GABRG3: variants seen among roughly 807,000 people sequenced by gnomAD.
The protein encoded by GABRG3 is gamma-aminobutyric acid type A receptor subunit gamma3.
In GABRG3, 25 loss-of-function variants were observed where a neutral mutation model predicts 48.8. That is an observed-to-expected ratio of 0.51 (90% CI 0.37 to 0.72). The LOEUF (loss-of-function observed/expected upper bound fraction) is 0.72. Among genes scored for constraint, GABRG3 ranks in the 30% least tolerant of loss-of-function variants. GABRG3 has a pLI of 0.00. For missense variants in GABRG3, 394 were observed against 577.9 expected (o/e 0.68, Z 3.26); for synonymous variants, 227 against 217.6 (o/e 1.04, Z -0.38).
intron 6 of GABRG3, among the ~76,000 whole-genome samples, chr15:27,507,535 TAAAC>T (rs1423911291): frequency 1.3e-5 from 2 of 152,008 alleles, no homozygotes; most frequent in Admixed American, 1.3e-4. Context: ...AATAAATAAA[TAAAC>T]AAATAAATAT....
intron 3 of GABRG3, among the ~76,000 whole-genome samples, chr15:27,099,074 G>A (rs761199900): frequency 3.3e-5 from 5 of 152,268 alleles, no homozygotes; most frequent in Middle Eastern, 3.4e-3. Context: ...ATAAGAGAAC[G>A]AAATGAGTTT....
At chr15:27,271,110 A>G (rs1042464208) in intron 3 of GABRG3, among the ~76,000 whole-genome samples, 4 of 152,308 alleles carry the variant, frequency 2.6e-5, no homozygotes, top group African/African-American at 9.6e-5. Flanking sequence ...TGAAGCGCTA[A>G]CCCTACAGGA....
intron 2 of GABRG3, among the ~76,000 whole-genome samples, chr15:26,990,252 G>C (rs142793062): frequency 1.3e-5 from 2 of 152,202 alleles, no homozygotes; most frequent in Non-Finnish European, 2.9e-5. Flanking sequence ...CAGTGTACAA[G>C]GGTTCCCTTT....
intron 3 of GABRG3, among the ~76,000 whole-genome samples, chr15:27,139,681 T>C (rs530421395): frequency 1.5e-4 from 23 of 152,306 alleles, no homozygotes; most frequent in African/African-American, 5.5e-4. Flanking sequence ...ATATATTTGG[T>C]CTGTGACCCT....
intron 6 of GABRG3, among the ~76,000 whole-genome samples, chr15:27,494,534 A>C (rs533556275): frequency 6.6e-6 from 1 of 152,306 alleles, no homozygotes; most frequent in African/African-American, 2.4e-5. Context: ...TTATAAGACT[A>C]TCCAAATGCC....
intron 3 of GABRG3, among the ~76,000 whole-genome samples, chr15:27,213,560 G>T (rs367977445): frequency 7.2e-5 from 11 of 152,154 alleles, no homozygotes; most frequent in Non-Finnish European, 1.6e-4. Context: ...TTGAAAACTG[G>T]CCTGTTTCAA....
At chr15:27,308,537 CAT>C (rs199695873) in intron 3 of GABRG3, among the ~76,000 whole-genome samples, 3,797 of 145,122 alleles carry the variant, frequency 0.026, 201 homozygotes, top group African/African-American at 0.088. Flanking sequence ...TTTATATAAA[CAT>C]ATATAATGTA....
intron 3 of GABRG3, among the ~76,000 whole-genome samples, chr15:27,127,497 G>T (rs1897841800): frequency 6.6e-6 from 1 of 152,016 alleles, no homozygotes; most frequent in Non-Finnish European, 1.5e-5. Flanking sequence ...GGGGAAAGTG[G>T]AAAATCTCTG....
At chr15:27,346,539 T>G (rs2140532360) in intron 5 of GABRG3, among the ~76,000 whole-genome samples, 1 of 152,342 alleles carries the variant, frequency 6.6e-6, no homozygotes, top group East Asian at 1.9e-4. Flanking sequence ...ATATTTCTTC[T>G]GCTTTTTTCT....
At chr15:27,105,705 A>G (rs538304812) in intron 3 of GABRG3, among the ~76,000 whole-genome samples, 6 of 152,268 alleles carry the variant, frequency 3.9e-5, no homozygotes, top group Admixed American at 3.3e-4. Flanking sequence ...TGAAGTGTAG[A>G]TTGGTGCAGT....
chr15:27,490,863 C>G (rs1318329883), intron 6 of GABRG3, among the ~76,000 whole-genome samples: 1 of 152,200 alleles, frequency 6.6e-6, no homozygotes, highest in Non-Finnish European at 1.5e-5. Context: ...TGTGTGGCCC[C>G]ACGTGTGGCC....
intron 7 of GABRG3, among the ~76,000 whole-genome samples, chr15:27,523,857 G>A (rs1357081512): frequency 2.6e-5 from 4 of 151,956 alleles, no homozygotes; most frequent in African/African-American, 9.7e-5. Context: ...ATAATCAACT[G>A]AGTTTAGGGA....
intron 2 of GABRG3, among the ~76,000 whole-genome samples, chr15:27,026,154 TG>T (rs1450002473): frequency 1.3e-5 from 2 of 152,266 alleles, no homozygotes; most frequent in Non-Finnish European, 2.9e-5. Flanking sequence ...CATTCCATTG[TG>T]TTTTGAGTTG....
intron 3 of GABRG3, among the ~76,000 whole-genome samples, chr15:27,275,761 C>G (rs997103673): frequency 6.6e-6 from 1 of 152,188 alleles, no homozygotes; most frequent in Non-Finnish European, 1.5e-5. Context: ...CAAAAGGAAA[C>G]TAATCATTTA....
chr15:27,089,758 C>T (rs151189233), intron 3 of GABRG3, among the ~76,000 whole-genome samples: 140 of 152,334 alleles, frequency 9.2e-4, no homozygotes, highest in African/African-American at 2.8e-3. Flanking sequence ...TGCATTTGTT[C>T]GTTCTGAATA....
At chr15:27,341,007 G>A (rs1280305058) in intron 5 of GABRG3, 1 of 512,830 alleles carries the variant, frequency 1.9e-6, no homozygotes, top group Non-Finnish European at 3.9e-6. Flanking sequence ...CAAGATGGCT[G>A]GAACACTGTG....
chr15:27,407,775 A>C (rs1282492664), intron 5 of GABRG3, among the ~76,000 whole-genome samples: 1 of 152,328 alleles, frequency 6.6e-6, no homozygotes, highest in African/African-American at 2.4e-5. Context: ...TGGAGACTGT[A>C]TAGAGAACAG....
chr15:27,003,072 C>G (rs1277895437), intron 2 of GABRG3, among the ~76,000 whole-genome samples: 1 of 151,836 alleles, frequency 6.6e-6, no homozygotes, highest in African/African-American at 2.4e-5. Context: ...TTTCTTCAAG[C>G]TTCTATTACA....
At chr15:27,466,129 T>C (rs982833157) in intron 5 of GABRG3, among the ~76,000 whole-genome samples, 1 of 152,190 alleles carries the variant, frequency 6.6e-6, no homozygotes, top group Non-Finnish European at 1.5e-5. Flanking sequence ...CCGCACTGAG[T>C]TGAGAAATCT....
Sources: gnomAD v4.1 joint callset for allele counts (sites outside exome capture counted in the v4.1 genomes callset) on GRCh38, gnomAD v4.1.1 for gene constraint, MANE v1.5 for transcripts, NCBI Gene and HGNC (gene_info 2026-07-23, HGNC 2026-07-21) for gene names.